The following PHACTR1 variants were observed in gnomAD, a reference collection of about 807,000 sequenced individuals.
The protein encoded by PHACTR1 is RPEL repeat containing 1.
In PHACTR1, 16 loss-of-function variants were observed where a neutral mutation model predicts 69.2. The ratio of observed to expected loss-of-function variants is 0.23; its 90% CI spans 0.16 to 0.35. The LOEUF is 0.35. Among genes scored for constraint, PHACTR1 ranks in the 10% least tolerant of loss-of-function variants. The probability of loss-of-function intolerance (pLI) is 1.00; values close to 1 mark genes in which losing one functional copy is unlikely to be tolerated. For synonymous variants in PHACTR1, 312 were observed against 284.5 expected (o/e 1.10, Z -0.97); for missense variants, 510 against 734.7 (o/e 0.69, Z 3.54).
intron 5 of PHACTR1, among the ~76,000 whole-genome samples, chr6:13,055,747 G>A (rs778362071): frequency 1.3e-5 from 2 of 152,212 alleles, no homozygotes; most frequent in Non-Finnish European, 2.9e-5. Context: ...TTATGCCAAC[G>A]TCTTCAAGAC....
At chr6:12,826,106 A>G (rs1776777472) in intron 4 of PHACTR1, among the ~76,000 whole-genome samples, 1 of 152,182 alleles carries the variant, frequency 6.6e-6, no homozygotes, top group Non-Finnish European at 1.5e-5. Context: ...CCCATGGCTA[A>G]CTCCAAAAAT....
chr6:13,023,904 C>T (rs899757500), intron 4 of PHACTR1, among the ~76,000 whole-genome samples: 4 of 152,178 alleles, frequency 2.6e-5, no homozygotes, highest in Admixed American at 2.0e-4. Flanking sequence ...TGGCAAAACC[C>T]TGTCTCTACT....
intron 5 of PHACTR1, among the ~76,000 whole-genome samples, chr6:13,136,664 T>C (rs1821596383): frequency 6.6e-6 from 1 of 151,082 alleles, no homozygotes; most frequent in South Asian, 2.1e-4. Context: ...TTTGATTTAA[T>C]ATGAAAGATA....
At chr6:12,870,527 G>A (rs1781926704) in intron 4 of PHACTR1, among the ~76,000 whole-genome samples, 2 of 152,272 alleles carry the variant, frequency 1.3e-5, no homozygotes, top group African/African-American at 4.8e-5. Flanking sequence ...AAACACACTG[G>A]AAATTCCTTG....
intron 8 of PHACTR1, among the ~76,000 whole-genome samples, chr6:13,208,691 A>G (rs146092356): frequency 6.0e-5 from 9 of 151,086 alleles, no homozygotes; most frequent in African/African-American, 1.2e-4. Context: ...ATGAGCGTCA[A>G]TCATCAGAAA....
In PHACTR1 at chr6:13,268,547, C is replaced by G. The variant is rs140067628; in HGVS notation, c.1392-4313C>G. Among the ~76,000 whole-genome samples the G allele has an allele frequency of 3.3e-5, 5 of 152,258 alleles. No individual in the cohort carries two copies. The East Asian group carries it at 9.6e-4, about 29-fold the overall frequency. ...ATATGTACAGTGCTTGGAACCATAC[C>G]CTTACATTATAGGCATTAAATCAGC... On this transcript the variant is annotated intron_variant, in intron 10 of 14. Transcript: ENST00000332995.
chr6:13,146,786 C>G (rs1041124830), intron 5 of PHACTR1, among the ~76,000 whole-genome samples: 1 of 152,206 alleles, frequency 6.6e-6, no homozygotes, highest in Non-Finnish European at 1.5e-5. Context: ...ATACTTCCTA[C>G]ATCTGGAAGG....
intron 6 of PHACTR1, among the ~76,000 whole-genome samples, chr6:13,162,424 G>C (rs2113560115): frequency 6.6e-6 from 1 of 151,844 alleles, no homozygotes; most frequent in South Asian, 2.1e-4. Flanking sequence ...ACCGCGCCCG[G>C]CCCCTCCCTT....
chr6:12,764,924 T>C (rs1487748549), intron 4 of PHACTR1, among the ~76,000 whole-genome samples: 2 of 152,078 alleles, frequency 1.3e-5, no homozygotes, highest in Admixed American at 1.3e-4. Flanking sequence ...AGAAGAAAAG[T>C]GTGGATTGGA....
Position 12,994,966 on chromosome 6 carries a change from CA to C in PHACTR1, c.251-58396del, listed in dbSNP as rs541604797. Among the ~76,000 whole-genome samples the C allele has an allele frequency of 1.4e-4, 22 of 152,012 alleles. No individual in the cohort carries two copies. The South Asian group carries it at 4.2e-3, about 29-fold the overall frequency. On this transcript the variant is annotated intron_variant, in intron 4 of 14. Transcript: ENST00000332995. ...TTGTTAATCATAGACCCTCACTGAACAAAGGAATCGCCTGCCATTCAGAAAG... is the reference window on the plus strand; with the variant it reads ...TTGTTAATCATAGACCCTCACTGAACAAGGAATCGCCTGCCATTCAGAAAG...
At chr6:13,262,111 T>C (rs906658995) in intron 10 of PHACTR1, among the ~76,000 whole-genome samples, 7 of 152,046 alleles carry the variant, frequency 4.6e-5, no homozygotes, top group African/African-American at 1.7e-4. Flanking sequence ...CAGAGTGGGA[T>C]AGGCTGGCAG....
chr6:13,254,329 G>A (rs1774893518), intron 10 of PHACTR1, among the ~76,000 whole-genome samples: 1 of 152,168 alleles, frequency 6.6e-6, no homozygotes, highest in South Asian at 2.1e-4. Flanking sequence ...GTATTTTTGT[G>A]ACATGGAAAA....
chr6:12,957,523 T>TA, intron 4 of PHACTR1: 1 of 985,474 alleles, frequency 1.0e-6, no homozygotes, highest in Non-Finnish European at 1.2e-6. Context: ...GCTGGGCTTC[T>TA]AAGGACTGGG....
intron 4 of PHACTR1, among the ~76,000 whole-genome samples, chr6:12,760,942 C>T (rs1220493986): frequency 6.6e-6 from 1 of 152,170 alleles, no homozygotes; most frequent in Non-Finnish European, 1.5e-5. Context: ...TCAAAACAAA[C>T]AAACAAACAA....
chr6:12,961,275 G>T (rs774487093), intron 4 of PHACTR1, among the ~76,000 whole-genome samples: 10 of 152,258 alleles, frequency 6.6e-5, no homozygotes, highest in Middle Eastern at 3.4e-3. Flanking sequence ...AATACAGAAA[G>T]ATGAGAAACA....
intron 5 of PHACTR1, among the ~76,000 whole-genome samples, chr6:13,090,051 T>G (rs148473629): frequency 7.2e-5 from 11 of 152,206 alleles, no homozygotes; most frequent in East Asian, 3.9e-4. Flanking sequence ...TTTGGGTTTT[T>G]TTGTTGTTGT....
chr6:12,766,587 GCAACA>G (rs111955915), intron 4 of PHACTR1, among the ~76,000 whole-genome samples: 70 of 152,208 alleles, frequency 4.6e-4, no homozygotes, highest in African/African-American at 1.4e-3. Flanking sequence ...AGTCATGGAG[GCAACA>G]CATACACCAT....
intron 4 of PHACTR1, among the ~76,000 whole-genome samples, chr6:12,847,349 G>T (rs1306413631): frequency 6.6e-6 from 1 of 152,144 alleles, no homozygotes; most frequent in Non-Finnish European, 1.5e-5. Flanking sequence ...GTAAACTAAA[G>T]ATTCAGCAAT....
intron 4 of PHACTR1, among the ~76,000 whole-genome samples, chr6:12,858,317 A>G (rs1490102607): frequency 6.6e-6 from 1 of 152,198 alleles, no homozygotes; most frequent in African/African-American, 2.4e-5. Flanking sequence ...TACACTCTCA[A>G]AAGGCTGAAA....
Sources: gnomAD v4.1 joint callset for allele counts (sites outside exome capture counted in the v4.1 genomes callset) on GRCh38, gnomAD v4.1.1 for gene constraint, MANE v1.5 for transcripts, NCBI Gene and HGNC (gene_info 2026-07-23, HGNC 2026-07-21) for gene names.